CCSER1: variants seen among roughly 807,000 people sequenced by gnomAD.
CCSER1 encodes the protein serine-rich coiled-coil domain-containing protein 1.
Under a neutral mutation model 82.0 loss-of-function variants are expected in CCSER1, and 41 were observed. That is an observed-to-expected ratio of 0.50 (90% CI 0.39 to 0.65). The LOEUF (loss-of-function observed/expected upper bound fraction) is 0.65. Among genes scored for constraint, CCSER1 ranks in the 30% least tolerant of loss-of-function variants. The pLI, the probability that CCSER1 is intolerant of heterozygous loss-of-function variation, is 0.00. For missense variants in CCSER1, 1,119 were observed against 1,064.2 expected (o/e 1.05, Z -0.72); for synonymous variants, 414 against 383.9 (o/e 1.08, Z -0.92).
At chr4:90,379,629 G>A (rs775047611) in intron 3 of CCSER1, among the ~76,000 whole-genome samples, 2 of 152,100 alleles carry the variant, frequency 1.3e-5, no homozygotes, top group African/African-American at 2.4e-5. Flanking sequence ...GATTGGTGAT[G>A]ATAGAGTTAA....
chr4:90,490,497 C>T (rs941717588), intron 5 of CCSER1, among the ~76,000 whole-genome samples: 1 of 152,072 alleles, frequency 6.6e-6, no homozygotes, highest in Non-Finnish European at 1.5e-5. Flanking sequence ...ATGGTAGTTT[C>T]CTTTGCTGTG....
chr4:90,297,607 T>G lies in CCSER1; in HGVS notation c.-41-10637T>G, dbSNP rs1437265084. 4.0e-5 allele frequency among the ~76,000 whole-genome samples: 6 copies of G among 150,158 alleles called. No homozygotes were observed. In the East Asian group the frequency reaches 1.2e-3, roughly 29 times the overall value. ...GGGAATGCTTCCAGTTTTTGCCCATTCAGTATGATATTGGCTGTGGGTTTG... is the reference window on the plus strand; with the variant it reads ...GGGAATGCTTCCAGTTTTTGCCCATGCAGTATGATATTGGCTGTGGGTTTG... On this transcript the variant is annotated intron_variant, in intron 1 of 10. Transcript: ENST00000509176.
At chr4:91,030,722 A>G (rs1362684239) in intron 9 of CCSER1, among the ~76,000 whole-genome samples, 1 of 149,028 alleles carries the variant, frequency 6.7e-6, no homozygotes, top group Non-Finnish European at 1.5e-5. Context: ...AGAAACCTCA[A>G]TTTCTAGTTT....
At chr4:90,967,335 G>A (rs1734666189) in intron 9 of CCSER1, among the ~76,000 whole-genome samples, 2 of 151,914 alleles carry the variant, frequency 1.3e-5, no homozygotes, top group Non-Finnish European at 2.9e-5. Flanking sequence ...TATGGTCCCA[G>A]CTACCCGGGA....
chr4:91,357,884 C>G (rs570522574), intron 10 of CCSER1, among the ~76,000 whole-genome samples: 14 of 73,622 alleles, frequency 1.9e-4, no homozygotes, highest in African/African-American at 5.5e-4. Flanking sequence ...CTGCCCCCCC[C>G]CCCTTTTTTT....
Position 90,266,403 on chromosome 4 carries a change from G to A in CCSER1, c.-41-41841G>A, listed in dbSNP as rs190508574. 3.3e-5 allele frequency among the ~76,000 whole-genome samples: 5 copies of A among 151,812 alleles called. No individual in the cohort carries two copies. The East Asian group carries it at 9.7e-4, about 29-fold the overall frequency. ...ATAGTATTTTAATCTATATAGTCCA[G>A]AGCATATTAAAATTGGGAATTTTTT... On this transcript the variant is annotated intron_variant, in intron 1 of 10. Transcript: ENST00000509176.
At chr4:90,563,873 A>G (rs1779064218) in intron 5 of CCSER1, among the ~76,000 whole-genome samples, 1 of 152,166 alleles carries the variant, frequency 6.6e-6, no homozygotes, top group Non-Finnish European at 1.5e-5. Flanking sequence ...TGTTTTCTAT[A>G]ATGGCTATAC....
At chr4:90,593,783 A>G (rs1782987217) in intron 5 of CCSER1, among the ~76,000 whole-genome samples, 1 of 152,028 alleles carries the variant, frequency 6.6e-6, no homozygotes. Flanking sequence ...AAGACAGGTA[A>G]TTCCTATTAT....
At position 91,474,804 on chromosome 4, in the gene CCSER1, TATATATATACACACACAC is replaced by T. The variant is rs1372740142; in HGVS notation, c.2218-123766_2218-123749del. On this transcript the variant is annotated intron_variant, in intron 10 of 10. Coordinates refer to ENST00000509176, the MANE Select transcript of CCSER1 (RefSeq NM_001145065.2). Reference sequence around the variant, plus strand: ...ATATTTGTGTATATATATATATATATATATATATACACACACACACACACACACACACACATTGCCTTC... The same window carrying T: ...ATATTTGTGTATATATATATATATATACACACACACACACACATTGCCTTC... 5.2e-4 allele frequency among the ~76,000 whole-genome samples: 67 copies of T among 128,804 alleles called. 1 individual carries two copies. The highest frequency in any genetic ancestry group is 1.3e-3 in the Admixed American group (17 of 12,942). The allele number at this position is 128,804 out of a possible 152,430, so 84.5% of individuals were successfully genotyped here.
intron 9 of CCSER1, among the ~76,000 whole-genome samples, chr4:90,945,690 C>T (rs1384636342): frequency 1.3e-5 from 2 of 152,188 alleles, no homozygotes; most frequent in African/African-American, 2.4e-5. Context: ...TATTTCTTCT[C>T]GCTTAGCTTG....
chr4:91,476,035 A>T (rs1007888770), intron 10 of CCSER1, among the ~76,000 whole-genome samples: 5 of 151,924 alleles, frequency 3.3e-5, no homozygotes, highest in Admixed American at 6.6e-5. Flanking sequence ...TTAAGTACTC[A>T]TACATCGATG....
chr4:91,506,193 C>A (rs573640103), intron 10 of CCSER1, among the ~76,000 whole-genome samples: 2 of 152,054 alleles, frequency 1.3e-5, no homozygotes, highest in South Asian at 2.1e-4. Flanking sequence ...AATGGGAATT[C>A]TTTCCTCATT....
chr4:90,496,086 C>T (rs576997083), intron 5 of CCSER1, among the ~76,000 whole-genome samples: 9 of 152,252 alleles, frequency 5.9e-5, no homozygotes, highest in South Asian at 4.1e-4. Context: ...TAACTTTACC[C>T]GTACTGGGGA....
intron 9 of CCSER1, among the ~76,000 whole-genome samples, chr4:91,007,688 A>G (rs899489080): frequency 2.0e-5 from 3 of 151,766 alleles, no homozygotes; most frequent in African/African-American, 7.2e-5. Context: ...AAAAAAAAAA[A>G]AAACTCTTTT....
At chr4:90,791,031 T>C (rs1197524901) in intron 7 of CCSER1, among the ~76,000 whole-genome samples, 3 of 152,292 alleles carry the variant, frequency 2.0e-5, no homozygotes, top group Admixed American at 2.0e-4. Context: ...TGATCCACAG[T>C]TCTGCATTGC....
chr4:90,493,128 A>G (rs1048744919), intron 5 of CCSER1, among the ~76,000 whole-genome samples: 40 of 152,340 alleles, frequency 2.6e-4, no homozygotes, highest in African/African-American at 8.9e-4. Flanking sequence ...CACAAGCTTC[A>G]GTAGCCGATT....
At chr4:91,319,380 G>C (rs1250513263) in intron 10 of CCSER1, among the ~76,000 whole-genome samples, 3 of 151,876 alleles carry the variant, frequency 2.0e-5, no homozygotes, top group African/African-American at 7.3e-5. Flanking sequence ...GGAAATCTTT[G>C]TTCACCAAGA....
intron 5 of CCSER1, among the ~76,000 whole-genome samples, chr4:90,534,458 T>A (rs1448894258): frequency 6.7e-6 from 1 of 149,950 alleles, no homozygotes; most frequent in Non-Finnish European, 1.5e-5. Flanking sequence ...TGTGTGTGTG[T>A]GTGTGTGTGT....
At chr4:91,042,517 G>T (rs1228753363) in intron 9 of CCSER1, among the ~76,000 whole-genome samples, 2 of 152,112 alleles carry the variant, frequency 1.3e-5, no homozygotes, top group Admixed American at 1.3e-4. Flanking sequence ...TCCTTATTTA[G>T]TTTATCAAAG....
Sources: allele counts gnomAD v4.1 joint callset (sites outside exome capture counted in the v4.1 genomes callset), GRCh38; gene constraint gnomAD v4.1.1; transcripts MANE v1.5; gene names NCBI Gene and HGNC (gene_info 2026-07-23, HGNC 2026-07-21).